Variants in DLC1 observed in about 807,000 individuals in gnomAD.
DLC1 encodes rho GTPase-activating protein 7.
A neutral mutation model predicts 140.3 loss-of-function variants in DLC1; 54 were observed. The ratio of observed to expected loss-of-function variants is 0.38; its 90% CI spans 0.31 to 0.48. The LOEUF (loss-of-function observed/expected upper bound fraction) is 0.48. DLC1 is among the 20% of genes least tolerant of loss of function. The pLI is 0.96. For synonymous variants in DLC1, 986 were observed against 728.1 expected (o/e 1.35, Z -5.70); for missense variants, 2,536 against 1,907.0 (o/e 1.33, Z -6.14).
chr8:13,228,736 C>T (rs576566711), intron 5 of DLC1, among the ~76,000 whole-genome samples: 15 of 152,198 alleles, frequency 9.9e-5, no homozygotes, highest in African/African-American at 3.4e-4. Context: ...AGAGCAAGAG[C>T]GAGACTCTGT....
At chr8:13,223,834 T>C (rs1828667556) in intron 5 of DLC1, among the ~76,000 whole-genome samples, 1 of 152,210 alleles carries the variant, frequency 6.6e-6, no homozygotes, top group Non-Finnish European at 1.5e-5. Flanking sequence ...CTGTTTTTAA[T>C]TTTTCAGTGG....
chr8:13,598,360 A>G lies in DLC1; in HGVS notation c.-126+6177T>C, dbSNP rs1006382850. 9.9e-5 allele frequency among the ~76,000 whole-genome samples: 15 copies of G among 151,622 alleles called. 1 individual carries two copies. The highest frequency in any genetic ancestry group is 1.8e-4 in the Non-Finnish European group (12 of 67,824). On this transcript the variant is annotated intron_variant, in intron 1 of 1. Transcript: ENST00000631382. ...GAGGAAACACAACAAGGGTGTCTCT[A>G]CCTGTCTCTGTGGGGACCACTTAGA...
chr8:13,294,870 A>G (rs1831887297), intron 5 of DLC1, among the ~76,000 whole-genome samples: 2 of 152,212 alleles, frequency 1.3e-5, no homozygotes, highest in Admixed American at 1.3e-4. Context: ...TGTATAATGT[A>G]GATAACAATA....
chr8:13,579,315 T>TTTTATATATA (rs1487346725), intron 1 of DLC1, among the ~76,000 whole-genome samples: 7 of 10,668 alleles, frequency 6.6e-4, no homozygotes, highest in African/African-American at 1.4e-3. Context: ...AGGTCTGACT[T>TTTTATATATA]TATATATATA....
At chr8:13,350,421 A>C (rs939243157) in intron 4 of DLC1, among the ~76,000 whole-genome samples, 7 of 152,130 alleles carry the variant, frequency 4.6e-5, no homozygotes, top group Non-Finnish European at 1.0e-4. Flanking sequence ...GCTAAGTATA[A>C]AGAAAAACAC....
At chr8:13,519,729 T>G (rs1214859016), upstream of DLC1, among the ~76,000 whole-genome samples, 1 of 152,162 alleles carries the variant, frequency 6.6e-6, no homozygotes, top group Non-Finnish European at 1.5e-5. Context: ...CTGAAAATTA[T>G]TACAGTCCAA....
chr8:13,603,615 A>G (rs907579613), intron 1 of DLC1, among the ~76,000 whole-genome samples: 6 of 152,096 alleles, frequency 3.9e-5, no homozygotes, highest in African/African-American at 1.4e-4. Flanking sequence ...CATAGTGGCA[A>G]TTTAAATCTC....
At chr8:13,454,025 C>A (rs1022486464) in intron 2 of DLC1, among the ~76,000 whole-genome samples, 4 of 152,006 alleles carry the variant, frequency 2.6e-5, no homozygotes, top group African/African-American at 9.7e-5. Flanking sequence ...GGTTAAATGG[C>A]AAAATTCGCA....
chr8:13,552,668 A>G (rs1405924264), intron 1 of DLC1, among the ~76,000 whole-genome samples: 1 of 151,712 alleles, frequency 6.6e-6, no homozygotes, highest in Non-Finnish European at 1.5e-5. Context: ...TAACAATGGA[A>G]TAAGAGAAAA....
intron 5 of DLC1, among the ~76,000 whole-genome samples, chr8:13,233,467 G>GT (rs962487866): frequency 1.3e-5 from 2 of 151,854 alleles, no homozygotes; most frequent in South Asian, 2.1e-4. Flanking sequence ...ATTTTAATAT[G>GT]TTTTTTCCCC....
intron 2 of DLC1, among the ~76,000 whole-genome samples, chr8:13,427,618 G>C (rs898509682): frequency 7.9e-5 from 12 of 151,870 alleles, no homozygotes; most frequent in African/African-American, 2.9e-4. Flanking sequence ...GGGATAATTG[G>C]TCCCCCTCTC....
intron 2 of DLC1, among the ~76,000 whole-genome samples, chr8:13,480,680 G>T (rs946981641): frequency 2.6e-5 from 4 of 152,190 alleles, no homozygotes; most frequent in Non-Finnish European, 1.5e-5. Context: ...GGACCAAGGG[G>T]ATCACTTGAT....
chr8:13,522,112 C>T (rs1362128738), intron 1 of DLC1, among the ~76,000 whole-genome samples: 28 of 152,090 alleles, frequency 1.8e-4, no homozygotes, highest in Admixed American at 1.5e-3. Context: ...GACTTCCACC[C>T]GCTCCAAAAG....
At chr8:13,188,843 ATTTTTT>A (rs869162448) in intron 5 of DLC1, among the ~76,000 whole-genome samples, 51 of 30,646 alleles carry the variant, frequency 1.7e-3, no homozygotes, top group African/African-American at 3.4e-3. Context: ...ATATATATAT[ATTTTTT>A]TTTTTTTTTT....
intron 4 of DLC1, among the ~76,000 whole-genome samples, chr8:13,387,898 C>T (rs181499708): frequency 9.2e-4 from 140 of 152,034 alleles, no homozygotes; most frequent in Non-Finnish European, 1.7e-3. Flanking sequence ...ATGACTGAAC[C>T]GTGAAAACTC....
In DLC1 at chr8:13,133,113, C is replaced by T. The variant is rs1004092571; in HGVS notation, c.1349-17456G>A. On this transcript the variant is annotated intron_variant, in intron 5 of 17. Coordinates refer to ENST00000276297, the MANE Select transcript of DLC1 (RefSeq NM_182643.3). ...CGGTCCTCAACGCATCCTTGCTCGC[C>T]GCTCCCTGCCCCTCGTCACGGCCCC... 2.0e-5 allele frequency: 30 copies of T among 1,474,294 alleles called. No individual in the cohort carries two copies. In the African/African-American group the frequency reaches 4.0e-4, roughly 19 times the overall value. 91.3% of individuals were successfully genotyped at this position (1,474,294 alleles called of 1,614,324 possible). A position where few individuals can be genotyped will look rare whatever the true frequency, so the allele number is the denominator to read the frequency against.
intron 5 of DLC1, among the ~76,000 whole-genome samples, chr8:13,218,800 T>C (rs1184589999): frequency 1.5e-5 from 1 of 68,646 alleles, no homozygotes; most frequent in Non-Finnish European, 2.8e-5. Flanking sequence ...TAAATATATA[T>C]CATAATTATA....
At position 13,095,482 on chromosome 8, in the gene DLC1, A is replaced by G; in HGVS notation, c.3168-237T>C. 3.7e-5 allele frequency: 20 copies of G among 539,068 alleles called. No homozygotes were observed. In the South Asian group the frequency reaches 4.4e-4, roughly 12 times the overall value. The allele number at this position is 539,068 out of a possible 1,614,324, so 33.4% of individuals were successfully genotyped here. The stretch of plus-strand genomic sequence containing the variant: ...CTGTATTGGCCTGTGCAGATAAAGA[A>G]CATTCCTATCATCCAGACAGTTCTC... On this transcript the variant is annotated intron_variant, in intron 10 of 17. Coordinates refer to ENST00000276297, the MANE Select transcript of DLC1 (RefSeq NM_182643.3).
Position 13,355,237 on chromosome 8 carries a change from A to G in DLC1, c.1314+38316T>C, listed in dbSNP as rs146932785. Among the ~76,000 whole-genome samples, 3 of 152,178 alleles carry G rather than the reference A, an allele frequency of 2.0e-5. No individual in the cohort carries two copies. In the East Asian group the frequency reaches 5.8e-4, roughly 29 times the overall value. On this transcript the variant is annotated intron_variant, in intron 4 of 17. Transcript: ENST00000276297. ...GTTGGGATTCACACCTGTAATCCCAACACCTAGGGGGGCTAAGGCAGGTGG... is the reference window on the plus strand; with the variant it reads ...GTTGGGATTCACACCTGTAATCCCAGCACCTAGGGGGGCTAAGGCAGGTGG...
Sources: allele counts gnomAD v4.1 joint callset (sites outside exome capture counted in the v4.1 genomes callset), GRCh38; gene constraint gnomAD v4.1.1; transcripts MANE v1.5; gene names NCBI Gene and HGNC (gene_info 2026-07-23, HGNC 2026-07-21).